Variants in MTMR14 observed in about 807,000 individuals in gnomAD.
The protein encoded by MTMR14 is phosphatidylinositol-3,5-bisphosphate 3-phosphatase MTMR14.
Under a neutral mutation model 86.3 loss-of-function variants are expected in MTMR14, and 48 were observed. The ratio of observed to expected loss-of-function variants is 0.56; its 90% confidence interval spans 0.44 to 0.71. The LOEUF (loss-of-function observed/expected upper bound fraction) is 0.71, where lower values mean the gene tolerates loss of function less well. Among genes scored for constraint, MTMR14 ranks in the 30% least tolerant of loss-of-function variants. MTMR14 has a pLI of 0.00. For synonymous variants in MTMR14, 366 were observed against 326.1 expected, an observed-to-expected ratio of 1.12 and a Z score of -1.32; for missense variants, 780 against 834.6, an observed-to-expected ratio of 0.93 and a Z score of 0.81.
intron 2 of MTMR14, among the ~76,000 whole-genome samples, chr3:9,654,602 A>G (rs1038114780): frequency 2.0e-5 from 3 of 152,104 alleles, no homozygotes; most frequent in African/African-American, 7.2e-5. Context: ...TAATCTCCCT[A>G]CTTCCTGCTG....
intron 6 of MTMR14, among the ~76,000 whole-genome samples, chr3:9,671,556 G>C (rs1342473229): frequency 2.6e-5 from 4 of 151,694 alleles, no homozygotes; most frequent in African/African-American, 7.3e-5. Flanking sequence ...AGTCTTTGTT[G>C]CCTAAAGTGG....
At chr3:9,696,764 C>G (rs1195245451) in intron 17 of MTMR14, among the ~76,000 whole-genome samples, 1 of 152,200 alleles carries the variant, frequency 6.6e-6, no homozygotes, top group Non-Finnish European at 1.5e-5. Flanking sequence ...AATCCCTGCT[C>G]TTCATTCCTG....
chr3:9,679,128 T>A (rs1330165311), intron 9 of MTMR14, among the ~76,000 whole-genome samples: 1 of 152,182 alleles, frequency 6.6e-6, no homozygotes, highest in Non-Finnish European at 1.5e-5. Context: ...GTTTTCTCTA[T>A]ATATATCCAG....
intron 17 of MTMR14, among the ~76,000 whole-genome samples, chr3:9,694,559 G>C (rs1010722069): frequency 4.6e-5 from 7 of 152,202 alleles, no homozygotes; most frequent in Non-Finnish European, 7.3e-5. Flanking sequence ...GACTGGGATG[G>C]ATGGAGTAAA....
chr3:9,701,724 G>A lies in MTMR14; in HGVS notation c.1770-66G>A, dbSNP rs376027121. On this transcript the variant is annotated intron_variant, in intron 18 of 18. Coordinates refer to ENST00000296003, the MANE Select transcript of MTMR14 (RefSeq NM_001077525.3). This position sits in a 1 kb window ranked among gnomAD's most constrained non-coding sequence, Gnocchi z 4.2. The stretch of plus-strand genomic sequence containing the variant: ...CAAGGACAGGTGGTATGGAGGGAGG[G>A]AGGATGAGGATACTGGGTCCTGTCC... 1 of 1,346,260 alleles carries A rather than the reference G, an allele frequency of 7.4e-7. No homozygotes were observed. Among genetic ancestry groups the A allele is most frequent in the Non-Finnish European group, 1.0e-6 (1 of 960,220 alleles). 83.4% of individuals were successfully genotyped at this position (1,346,260 alleles called of 1,614,324 possible).
intron 3 of MTMR14, among the ~76,000 whole-genome samples, chr3:9,666,261 C>T (rs538798576): frequency 1.3e-5 from 2 of 151,442 alleles, no homozygotes; most frequent in South Asian, 2.1e-4. Flanking sequence ...AGCCTCCCAA[C>T]TAGCTGGGAT....
Position 9,702,128 on chromosome 3 carries a change from C to A in MTMR14, c.*155C>A. On this transcript the variant is annotated 3_prime_UTR_variant, in exon 19 of 19. Transcript: ENST00000296003. Reference sequence around the variant, plus strand: ...ATGGCAGCCCCAAAGCTGAGCAAGGCCAAAGACAGGGTTTTCCAACCCCCA... The same window carrying A: ...ATGGCAGCCCCAAAGCTGAGCAAGGACAAAGACAGGGTTTTCCAACCCCCA... The A allele has an allele frequency of 1.0e-6, 1 of 986,600 alleles. No individual in the cohort carries two copies. The highest frequency in any genetic ancestry group is 1.5e-6 in the Non-Finnish European group (1 of 649,004). The allele number at this position is 986,600 out of a possible 1,614,324, so 61.1% of individuals were successfully genotyped here.
chr3:9,671,109 C>G lies in MTMR14; in HGVS notation c.616C>G (p.Leu206Val). ...RGYDIKLLRY[L>V]SVKYICDLMV... ...CTATGACATCAAGCTGCTTCGATAC[C>G]TGTCAGTCAAATACATCTGTGACCT... Residue 206 changes from leucine (L) to valine (V), a missense_variant, in exon 6 of 19, where the codon CTG becomes GTG. Leu to Val is a conservative substitution (Grantham distance 32). Transcript: ENST00000296003. The G allele has an allele frequency of 6.2e-7, 1 of 1,614,190 alleles. No homozygotes were observed. The highest frequency in any genetic ancestry group is 8.5e-7 in the Non-Finnish European group (1 of 1,180,022).
chr3:9,653,825 C>G (rs1017118934), intron 2 of MTMR14, 56 bp downstream of exon 2: 2 of 1,611,236 alleles, frequency 1.2e-6, no homozygotes, highest in Admixed American at 3.3e-5. Context: ...CAGCTAATCC[C>G]TGTGGCCAGG....
At chr3:9,687,505 A>T (rs563001199) in intron 13 of MTMR14, among the ~76,000 whole-genome samples, 1 of 151,988 alleles carries the variant, frequency 6.6e-6, no homozygotes, top group Admixed American at 6.6e-5. Context: ...CAGTGAGCCG[A>T]GATCACGCCA....
chr3:9,702,179 C>T lies in MTMR14; in HGVS notation c.*206C>T. ...GCCTCTTGACTGGTGACCACCACCC[C>T]TTCTTGTCACTGTCTCCCACCCACC... On this transcript the variant is annotated 3_prime_UTR_variant, in exon 19 of 19. Transcript: ENST00000296003. 3.1e-6 allele frequency: 2 copies of T among 637,476 alleles called. No individual in the cohort carries two copies. Among genetic ancestry groups the T allele is most frequent in the Non-Finnish European group, 5.6e-6 (2 of 357,330 alleles). 39.5% of individuals were successfully genotyped at this position (637,476 alleles called of 1,614,324 possible).
chr3:9,670,900 T>C, intron 5 of MTMR14, 148 bp from the exon 6 acceptor site: 1 of 936,584 alleles, frequency 1.1e-6, no homozygotes, highest in Non-Finnish European at 1.7e-6. Context: ...TGAAATCAGT[T>C]GTCCTGTTTG....
chr3:9,668,816 C>T (rs1389615446), intron 4 of MTMR14, 22 bp downstream of exon 4: 2 of 1,612,618 alleles, frequency 1.2e-6, no homozygotes, highest in African/African-American at 1.3e-5. Flanking sequence ...ACAGCATCCT[C>T]TGATGTAGAA....
intron 7 of MTMR14, chr3:9,675,480 A>G (rs1254216505): frequency 4.6e-6 from 2 of 435,334 alleles, no homozygotes; most frequent in East Asian, 7.0e-5. Context: ...TCTCAGTTCT[A>G]GATGTGTCAC....
chr3:9,695,801 C>A (rs1403275706), intron 17 of MTMR14, among the ~76,000 whole-genome samples: 1 of 152,220 alleles, frequency 6.6e-6, no homozygotes, highest in East Asian at 1.9e-4. Context: ...TTCTACCCTG[C>A]AGCTTGAACA....
chr3:9,691,196 G>C (rs567437391), intron 17 of MTMR14, among the ~76,000 whole-genome samples: 1 of 152,320 alleles, frequency 6.6e-6, no homozygotes, highest in Admixed American at 6.5e-5. Context: ...TCACCCCTGC[G>C]TGAACTCTTC....
At chr3:9,673,044 A>G (rs1003007478) in intron 7 of MTMR14, among the ~76,000 whole-genome samples, 6 of 152,214 alleles carry the variant, frequency 3.9e-5, no homozygotes, top group East Asian at 3.8e-4. Flanking sequence ...AAGTTTTCTC[A>G]GGAGCTTGGA....
chr3:9,687,999 G>A (rs373740394), intron 14 of MTMR14, 108 bp downstream of exon 14: 21 of 957,336 alleles, frequency 2.2e-5, no homozygotes, highest in East Asian at 2.6e-5. Context: ...CTCCCTGCTT[G>A]TTGGGCTGGT....
intron 17 of MTMR14, 46 bp from the exon 18 acceptor site, chr3:9,697,665 A>C: frequency 6.2e-7 from 1 of 1,602,596 alleles, no homozygotes; most frequent in Non-Finnish European, 8.5e-7. Context: ...TGTGTCAGGC[A>C]TATGACTGAC....
Sources: allele counts gnomAD v4.1 joint callset (sites outside exome capture counted in the v4.1 genomes callset), GRCh38; gene constraint gnomAD v4.1.1; non-coding constraint Gnocchi (gnomAD v3.1); transcripts MANE v1.5; gene names NCBI Gene and HGNC (gene_info 2026-07-23, HGNC 2026-07-21).